Variants in CRTAM observed in about 807,000 individuals in gnomAD.
CRTAM encodes the protein cytotoxic and regulatory T-cell molecule.
In CRTAM, 44 loss-of-function variants were observed where a neutral mutation model predicts 50.0. That is an observed-to-expected ratio of 0.88 (90% confidence interval 0.69 to 1.13). CRTAM has a LOEUF of 1.13. Ranked by LOEUF, CRTAM falls within the 50% of genes most tolerant of loss-of-function variation. CRTAM has a pLI of 0.00. For missense variants in CRTAM, 448 were observed against 457.5 expected (o/e 0.98, Z 0.19); for synonymous variants, 159 against 169.3 (o/e 0.94, Z 0.47).
At chr11:122,843,187 ACATGTGCTTTGGTGTAAAGC>A (rs1003220343) in intron 1 of CRTAM, among the ~76,000 whole-genome samples, 1 of 152,166 alleles carries the variant, frequency 6.6e-6, no homozygotes, top group African/African-American at 2.4e-5. Flanking sequence ...GGAGTAGATC[ACATGTGCTTTGGTGTAAAGC>A]CATCCACTGA....
Position 122,850,121 on chromosome 11 carries a change from C to T in CRTAM, c.100C>T (p.Leu34Phe), listed in dbSNP as rs763724669. ...ETITVEEGQT[L>F]TLKCVTSLRK... The stretch of plus-strand genomic sequence containing the variant: ...CATCACCGTGGAGGAAGGCCAGACG[C>T]TCACTCTAAAGTGTGTCACTTCTCT... The change falls in exon 2 of 10, where the codon CTC becomes TTC. Residue 34 changes from leucine (L) to phenylalanine (F), a missense_variant. By Grantham distance (22) the Leu-to-Phe change is conservative. Coordinates refer to ENST00000227348, the MANE Select transcript of CRTAM (RefSeq NM_019604.4). The T allele has an allele frequency of 3.1e-6, 5 of 1,613,592 alleles. No homozygotes were observed. The highest frequency in any genetic ancestry group is 3.4e-6 in the Non-Finnish European group (4 of 1,179,634).
At chr11:122,845,871 G>A (rs1277851205) in intron 1 of CRTAM, among the ~76,000 whole-genome samples, 1 of 151,912 alleles carries the variant, frequency 6.6e-6, no homozygotes, top group African/African-American at 2.4e-5. Flanking sequence ...TTAATTTTTT[G>A]TAAAGACAAA....
At chr11:122,856,972 G>T (rs1003301175) in intron 5 of CRTAM, among the ~76,000 whole-genome samples, 2 of 152,004 alleles carry the variant, frequency 1.3e-5, no homozygotes, top group Non-Finnish European at 2.9e-5. Flanking sequence ...GGGCATGTGG[G>T]GGATGAGCCT....
chr11:122,857,235 G>A (rs911573567), intron 5 of CRTAM, among the ~76,000 whole-genome samples: 12 of 152,184 alleles, frequency 7.9e-5, no homozygotes, highest in Non-Finnish European at 1.5e-4. Context: ...TTGGGAAGCC[G>A]AGGCGGGCAG....
rs144404548 is a variant in CRTAM at position 122,867,324 on chromosome 11, GT to G, written c.818-84del. 3,689 of 1,193,666 alleles carry G rather than the reference GT, an allele frequency of 3.1e-3. 96 individuals are homozygous for G. In the African/African-American group the frequency reaches 0.051, roughly 17 times the overall value. 73.9% of individuals were successfully genotyped at this position (1,193,666 alleles called of 1,614,324 possible). A position where few individuals can be genotyped will look rare whatever the true frequency, so the allele number is the denominator to read the frequency against. On this transcript the variant is annotated intron_variant, in intron 7 of 9. Transcript: ENST00000227348. ...GCTGTCTATTAGCTTATATCACATTGTAGAAGTATTGTTACATATTCTCCAG... is the reference window on the plus strand; with the variant it reads ...GCTGTCTATTAGCTTATATCACATTGAGAAGTATTGTTACATATTCTCCAG...
intron 1 of CRTAM, among the ~76,000 whole-genome samples, chr11:122,847,026 A>G (rs1327469489): frequency 6.6e-6 from 1 of 152,228 alleles, no homozygotes; most frequent in East Asian, 1.9e-4. Flanking sequence ...TCAAATAATT[A>G]TTAAGCACTA....
chr11:122,860,885 T>C (rs987926903), intron 5 of CRTAM, among the ~76,000 whole-genome samples: 3 of 152,108 alleles, frequency 2.0e-5, no homozygotes, highest in Non-Finnish European at 4.4e-5. Flanking sequence ...TTTGTAGAGA[T>C]GGGGTCTTGC....
At chr11:122,854,693 G>A (rs1861982275) in intron 4 of CRTAM, among the ~76,000 whole-genome samples, 1 of 151,184 alleles carries the variant, frequency 6.6e-6, no homozygotes, top group Admixed American at 6.6e-5. Context: ...TATAATATCT[G>A]TGAGCATAAA....
Position 122,838,532 on chromosome 11 carries a change from G to T in CRTAM, c.-15G>T, listed in dbSNP as rs764056323. ...AGAGGAAGTTGACAAAGGTGCCACA[G>T]CAGCACAGCACAGTATGTGGTGGAG... On this transcript the variant is annotated 5_prime_UTR_variant, in exon 1 of 10. Transcript: ENST00000227348. The T allele has an allele frequency of 6.2e-7, 1 of 1,613,474 alleles. No individual in the cohort carries two copies. Among genetic ancestry groups the T allele is most frequent in the Non-Finnish European group, 8.5e-7 (1 of 1,179,678 alleles).
At chr11:122,868,963 C>T (rs1485724693) in intron 9 of CRTAM, among the ~76,000 whole-genome samples, 3 of 151,974 alleles carry the variant, frequency 2.0e-5, no homozygotes, top group Non-Finnish European at 2.9e-5. Flanking sequence ...GAGCCGAGAT[C>T]GTGCCACTGC....
intron 9 of CRTAM, among the ~76,000 whole-genome samples, chr11:122,869,376 A>G (rs1449466587): frequency 1.3e-5 from 2 of 152,236 alleles, no homozygotes; most frequent in Non-Finnish European, 2.9e-5. Flanking sequence ...TAGTTGATAA[A>G]TTTGTGTTAA....
At position 122,871,436 on chromosome 11, in the gene CRTAM, C is replaced by A; in HGVS notation, c.*37C>A. The A allele has an allele frequency of 1.3e-6, 2 of 1,587,622 alleles. No homozygotes were observed. Among genetic ancestry groups the A allele is most frequent in the South Asian group, 1.2e-5 (1 of 86,358 alleles). On this transcript the variant is annotated 3_prime_UTR_variant, in exon 10 of 10. Transcript: ENST00000227348. Reference sequence around the variant, plus strand: ...ATGGAACATGTGATTTCAGGGTTGCCGCAGTGTCACCTCAGTGGACCAGCC... The same window carrying A: ...ATGGAACATGTGATTTCAGGGTTGCAGCAGTGTCACCTCAGTGGACCAGCC...
At chr11:122,851,592 A>T (rs3741018) in intron 2 of CRTAM, 101 bp from the exon 3 acceptor site, 65,401 of 1,039,714 alleles carry the variant, frequency 0.063, 2,883 homozygotes, top group African/African-American at 0.2. Context: ...TGATTGTGCC[A>T]AATGTAGAAA....
At chr11:122,865,240 G>C (rs900023255) in intron 7 of CRTAM, among the ~76,000 whole-genome samples, 15 of 152,058 alleles carry the variant, frequency 9.9e-5, no homozygotes, top group African/African-American at 3.6e-4. Context: ...TATCCATGTT[G>C]GTCAGTCTGG....
intron 9 of CRTAM, among the ~76,000 whole-genome samples, chr11:122,868,784 G>A (rs1049630039): frequency 2.4e-4 from 36 of 152,142 alleles, no homozygotes; most frequent in Non-Finnish European, 3.7e-4. Context: ...CGAGGCGGGC[G>A]GATCACGAGG....
chr11:122,863,546 TC>T (rs1379635776), intron 6 of CRTAM, among the ~76,000 whole-genome samples: 4 of 152,202 alleles, frequency 2.6e-5, no homozygotes, highest in African/African-American at 4.8e-5. Flanking sequence ...GAGTATCAGA[TC>T]ATATTTTTAA....
chr11:122,844,045 T>C (rs1861830977), intron 1 of CRTAM, among the ~76,000 whole-genome samples: 1 of 152,206 alleles, frequency 6.6e-6, no homozygotes, highest in African/African-American at 2.4e-5. Flanking sequence ...AAACAACGAA[T>C]ATTCTATGCC....
intron 9 of CRTAM, among the ~76,000 whole-genome samples, chr11:122,868,788 C>A (rs528804617): frequency 1.3e-5 from 2 of 152,164 alleles, no homozygotes; most frequent in Non-Finnish European, 2.9e-5. Context: ...GCGGGCGGAT[C>A]ACGAGGTCAG....
chr11:122,854,460 G>T (rs888469235), intron 4 of CRTAM, among the ~76,000 whole-genome samples: 1 of 152,104 alleles, frequency 6.6e-6, no homozygotes, highest in Non-Finnish European at 1.5e-5. Context: ...ATCACCTGAG[G>T]TCAGGAGTTC....
Sources: gnomAD v4.1 joint callset for allele counts (sites outside exome capture counted in the v4.1 genomes callset) on GRCh38, gnomAD v4.1.1 for gene constraint, MANE v1.5 for transcripts, NCBI Gene and HGNC (gene_info 2026-07-23, HGNC 2026-07-21) for gene names.